The following MTCH2 variants were observed in gnomAD, a reference collection of about 807,000 sequenced individuals.
The protein encoded by MTCH2 is mitochondrial carrier homolog 2.
A neutral mutation model predicts 50.6 loss-of-function variants in MTCH2; 25 were observed. The observed-to-expected ratio is 0.49, with a 90% CI of 0.36 to 0.69. The LOEUF (loss-of-function observed/expected upper bound fraction) is 0.69. MTCH2 is among the 30% of genes least tolerant of loss of function. The pLI is 0.00. For synonymous variants in MTCH2, 106 were observed against 132.0 expected (o/e 0.80, Z 1.35); for missense variants, 273 against 384.4 (o/e 0.71, Z 2.42).
At chr11:47,629,605 TCAG>T (rs1217033562) in intron 8 of MTCH2, among the ~76,000 whole-genome samples, 1 of 152,130 alleles carries the variant, frequency 6.6e-6, no homozygotes, top group African/African-American at 2.4e-5. Flanking sequence ...GCTCCAGCAC[TCAG>T]CAGCGATGTG....
At chr11:47,613,158 T>A (rs2153797525), downstream of MTCH2, among the ~76,000 whole-genome samples, 1 of 152,080 alleles carries the variant, frequency 6.6e-6, no homozygotes, top group East Asian at 1.9e-4. Context: ...TCCTCCCACC[T>A]TAGCCTCCCA....
Position 47,629,120 on chromosome 11 carries a change from T to C in MTCH2, c.540-74A>G, listed in dbSNP as rs2153799501. The C allele has an allele frequency of 2.4e-6, 3 of 1,273,926 alleles. No homozygotes were observed. The South Asian group carries it at 3.8e-5, about 16-fold the overall frequency. 78.9% of individuals were successfully genotyped at this position (1,273,926 alleles called of 1,614,324 possible). A position where few individuals can be genotyped will look rare whatever the true frequency, so the allele number is the denominator to read the frequency against. On this transcript the variant is annotated intron_variant, in intron 8 of 12. Transcript: ENST00000302503. The stretch of plus-strand genomic sequence containing the variant: ...CATGACAGGCTCTTCAGTACAAATG[T>C]TTGTCAAATAATTAGAGGTCACAAA...
chr11:47,626,981 G>A, intron 10 of MTCH2, 99 bp downstream of exon 10: 1 of 877,006 alleles, frequency 1.1e-6, no homozygotes, highest in Non-Finnish European at 1.8e-6. Flanking sequence ...TGAGACATCT[G>A]GTTATCTTAA....
chr11:47,630,338 T>G (rs1293679797), intron 8 of MTCH2, among the ~76,000 whole-genome samples: 1 of 152,120 alleles, frequency 6.6e-6, no homozygotes, highest in African/African-American at 2.4e-5. Flanking sequence ...AAGTAAAGGT[T>G]TGGGATCTTT....
chr11:47,626,661 G>A (rs953522971), intron 10 of MTCH2, among the ~76,000 whole-genome samples: 1 of 151,810 alleles, frequency 6.6e-6, no homozygotes, highest in Non-Finnish European at 1.5e-5. Flanking sequence ...CGCCCAGGCC[G>A]AAGTGCAGTG....
downstream of MTCH2, among the ~76,000 whole-genome samples, chr11:47,612,864 G>A (rs972087381): frequency 1.3e-5 from 2 of 152,056 alleles, no homozygotes; most frequent in Non-Finnish European, 2.9e-5. Context: ...AATAAGATGA[G>A]AGATGAATAG....
At chr11:47,638,290 G>A (rs533616518) in intron 3 of MTCH2, among the ~76,000 whole-genome samples, 51 of 147,408 alleles carry the variant, frequency 3.5e-4, no homozygotes, top group African/African-American at 1.3e-3. Context: ...CGCCGGGCGC[G>A]GTGGCTCATG....
the MTCH2 span, among the ~76,000 whole-genome samples, chr11:47,607,971 C>T: frequency 2.0e-5 from 3 of 152,294 alleles, no homozygotes; most frequent in Admixed American, 6.5e-5. Context: ...ATCTGTGCTC[C>T]GATCATCATG....
At chr11:47,625,819 G>C (rs1275005904) in intron 10 of MTCH2, 78 bp from the exon 11 acceptor site, 1 of 1,136,024 alleles carries the variant, frequency 8.8e-7, no homozygotes. Flanking sequence ...TAAAGGCCTA[G>C]TGCCACTGCG....
Position 47,618,564 on chromosome 11 carries a change from G to T in MTCH2, c.*269C>A. On this transcript the variant is annotated 3_prime_UTR_variant, in exon 13 of 13. Transcript: ENST00000302503. Reference sequence around the variant, plus strand: ...CATGACAAAGTGCCTGTAGCTTCAGGAAAATACAACTTTTTTTCCCTTCTG... The same window carrying T: ...CATGACAAAGTGCCTGTAGCTTCAGTAAAATACAACTTTTTTTCCCTTCTG... 2.5e-6 allele frequency: 1 copy of T among 407,704 alleles called. No homozygotes were observed. The highest frequency in any genetic ancestry group is 2.9e-5 in the South Asian group (1 of 34,100). The allele number at this position is 407,704 out of a possible 1,614,324, so 25.3% of individuals were successfully genotyped here.
Position 47,642,516 on chromosome 11 carries a change from G to A in MTCH2, c.-51C>T. On this transcript the variant is annotated 5_prime_UTR_variant, in exon 1 of 13. Transcript: ENST00000302503. ...GACAGACGGAGCCACCAAGCGACCC[G>A]GTGAGCCGGTCCTAGGTCACGTGCC... 1 of 1,516,748 alleles carries A rather than the reference G, an allele frequency of 6.6e-7. No homozygotes were observed. The highest frequency in any genetic ancestry group is 8.9e-7 in the Non-Finnish European group (1 of 1,124,776). 94.0% of individuals were successfully genotyped at this position (1,516,748 alleles called of 1,614,324 possible).
At chr11:47,630,913 A>G in intron 7 of MTCH2, 123 bp downstream of exon 7, 2 of 876,494 alleles carry the variant, frequency 2.3e-6, no homozygotes, top group Non-Finnish European at 3.6e-6. Context: ...GTGCAGATCA[A>G]ATGACATCAG....
In MTCH2 at chr11:47,630,535, A is replaced by G; in HGVS notation, c.539+20T>C. 6.3e-7 allele frequency: 1 copy of G among 1,590,564 alleles called. No individual in the cohort carries two copies. Among genetic ancestry groups the G allele is most frequent in the Non-Finnish European group, 8.6e-7 (1 of 1,159,274 alleles). ...TTTCCCACTCATGCAAAAATTACAC[A>G]CTAATCAACATTTACTCACGCGAAA... On this transcript the variant is annotated intron_variant, in intron 8 of 12. Transcript: ENST00000302503.
In MTCH2 at chr11:47,642,494, A is replaced by G; in HGVS notation, c.-29T>C. ...GGCACCCGCGGGCGGACGGACAGAC[A>G]GACGGAGCCACCAAGCGACCCGGTG... On this transcript the variant is annotated 5_prime_UTR_variant, in exon 1 of 13. Coordinates refer to ENST00000302503, the MANE Select transcript of MTCH2 (RefSeq NM_014342.4). 6.6e-7 allele frequency: 1 copy of G among 1,504,230 alleles called. No individual in the cohort carries two copies. Among genetic ancestry groups the G allele is most frequent in the Non-Finnish European group, 8.9e-7 (1 of 1,129,396 alleles). 93.2% of individuals were successfully genotyped at this position (1,504,230 alleles called of 1,614,324 possible). A position where few individuals can be genotyped will look rare whatever the true frequency, so the allele number is the denominator to read the frequency against.
intron 1 of MTCH2, among the ~76,000 whole-genome samples, chr11:47,640,509 AG>A (rs2153801270): frequency 6.6e-6 from 1 of 152,030 alleles, no homozygotes; most frequent in East Asian, 2.0e-4. Flanking sequence ...TCCATCTCCC[AG>A]GTTTAAGCCA....
At chr11:47,632,530 T>C (rs1294328498) in intron 5 of MTCH2, among the ~76,000 whole-genome samples, 1 of 151,670 alleles carries the variant, frequency 6.6e-6, no homozygotes, top group Non-Finnish European at 1.5e-5. Flanking sequence ...ATTTTTTTTC[T>C]TTGTATTTTT....
At chr11:47,638,658 A>C in intron 3 of MTCH2, 41 bp downstream of exon 3, 1 of 1,266,378 alleles carries the variant, frequency 7.9e-7, no homozygotes, top group Non-Finnish European at 1.0e-6. Context: ...CATAACAGGT[A>C]AGCAACATCT....
intron 5 of MTCH2, among the ~76,000 whole-genome samples, chr11:47,632,055 G>A (rs2097303573): frequency 6.6e-6 from 1 of 152,052 alleles, no homozygotes; most frequent in Admixed American, 6.6e-5. Flanking sequence ...TAAAAAATAT[G>A]AGGCCTTTAT....
chr11:47,627,083 T>A lies in MTCH2; in HGVS notation c.678A>T (p.Thr226=), dbSNP rs1379334231. 2 of 1,595,406 alleles carry A rather than the reference T, an allele frequency of 1.3e-6. No individual in the cohort carries two copies. Among genetic ancestry groups the A allele is most frequent in the Admixed American group, 3.5e-5 (2 of 56,920 alleles). ...AAAAGGATTTTAAAAAACTCACTCCTGTGACAGCTTGAGAATAACTCTTCA... is the reference window on the plus strand; with the variant it reads ...AAAAGGATTTTAAAAAACTCACTCCAGTGACAGCTTGAGAATAACTCTTCA... The part of the protein sequence containing the change: ...NEMKSYSQAV[T]GFFASMLTYP... Residue 226 remains threonine (T), a synonymous_variant, in exon 10 of 13, where the codon ACA becomes ACT. Transcript: ENST00000302503.
Sources: gnomAD v4.1 joint callset for allele counts (sites outside exome capture counted in the v4.1 genomes callset) on GRCh38, gnomAD v4.1.1 for gene constraint, MANE v1.5 for transcripts, NCBI Gene and HGNC (gene_info 2026-07-23, HGNC 2026-07-21) for gene names.